Variants in SERHL2 observed in about 807,000 individuals in gnomAD.
SERHL2 encodes the protein serine hydrolase like 2.
A neutral mutation model predicts 25.5 loss-of-function variants in SERHL2; 29 were observed. That is an observed-to-expected ratio of 1.14 (90% CI 0.85 to 1.55). The LOEUF (loss-of-function observed/expected upper bound fraction) is 1.55. SERHL2 is among the 40% of genes most tolerant of loss of function. SERHL2 has a pLI of 0.00. For synonymous variants in SERHL2, 95 were observed against 103.5 expected (o/e 0.92, Z 0.50); for missense variants, 240 against 252.3 (o/e 0.95, Z 0.33).
chr22:42,559,266 C>T (rs1418303974), intron 7 of SERHL2, among the ~76,000 whole-genome samples: 3 of 117,756 alleles, frequency 2.5e-5, no homozygotes, highest in East Asian at 3.6e-4. Context: ...ATTAGCTGGT[C>T]GTGGTGGCAC....
rs372936478 is a variant in SERHL2 at position 42,566,385 on chromosome 22, C to T, written c.648+47C>T. 252 of 1,595,906 alleles carry T rather than the reference C, an allele frequency of 1.6e-4. 4 individuals carry two copies. Among genetic ancestry groups the T allele is most frequent in the African/African-American group, 3.4e-4 (25 of 74,574 alleles). Reference sequence around the variant, plus strand: ...TCCCCCGCCAAGGTTTGCCTGTTAGCGTCTTTGTCGTTTTTGAAAATTACA... The same window carrying T: ...TCCCCCGCCAAGGTTTGCCTGTTAGTGTCTTTGTCGTTTTTGAAAATTACA... On this transcript the variant is annotated intron_variant, in intron 9 of 11. Coordinates refer to ENST00000327678, the MANE Select transcript of SERHL2 (RefSeq NM_014509.5).
At chr22:42,568,140 C>T (rs1378990591) in intron 9 of SERHL2, among the ~76,000 whole-genome samples, 3 of 151,890 alleles carry the variant, frequency 2.0e-5, no homozygotes, top group Non-Finnish European at 2.9e-5. Flanking sequence ...CTTCCCACCT[C>T]AGCCTCCGGA....
chr22:42,570,116 G>A (rs1923961206), intron 9 of SERHL2: 1 of 152,084 alleles, frequency 6.6e-6, no homozygotes, highest in African/African-American at 2.4e-5. Flanking sequence ...CATTTCTCTA[G>A]CAGCTATATT....
intron 8 of SERHL2, among the ~76,000 whole-genome samples, chr22:42,562,149 C>A (rs1224205867): frequency 6.6e-6 from 1 of 151,580 alleles, no homozygotes; most frequent in Non-Finnish European, 1.5e-5. Context: ...CTTTTGGGAC[C>A]CAGCATTAAC....
chr22:42,564,244 C>T (rs1228567924), intron 8 of SERHL2, among the ~76,000 whole-genome samples: 4 of 151,522 alleles, frequency 2.6e-5, no homozygotes, highest in African/African-American at 9.7e-5. Flanking sequence ...CATCTGACTT[C>T]ATCTTTTTCC....
At chr22:42,566,522 C>G (rs1444300612) in intron 9 of SERHL2, among the ~76,000 whole-genome samples, 184 bp downstream of exon 9, 2 of 150,414 alleles carry the variant, frequency 1.3e-5, no homozygotes, top group African/African-American at 4.9e-5. Flanking sequence ...CACCACTGCA[C>G]TGCAGCCTGG....
At chr22:42,560,313 T>C in intron 8 of SERHL2, 48 bp downstream of exon 8, 1 of 1,406,222 alleles carries the variant, frequency 7.1e-7, no homozygotes, top group Non-Finnish European at 1.0e-6. Context: ...TCACTATTCT[T>C]ACCGAGGATG....
intron 9 of SERHL2, 63 bp from the exon 10 acceptor site, chr22:42,571,058 T>A (rs1489456447): frequency 1.2e-6 from 2 of 1,609,058 alleles, no homozygotes; most frequent in African/African-American, 2.7e-5. Flanking sequence ...CAGAGATGGG[T>A]TTCGTGCCCA....
intron 10 of SERHL2, chr22:42,571,453 G>T (rs1197013769): frequency 1.8e-5 from 24 of 1,339,892 alleles, no homozygotes; most frequent in Non-Finnish European, 2.2e-5. Context: ...GTCAGCGGGG[G>T]GCATGCCCAG....
chr22:42,569,139 T>G (rs1470029196), intron 9 of SERHL2: 1 of 102,062 alleles, frequency 9.8e-6, no homozygotes, highest in Non-Finnish European at 2.0e-5. Flanking sequence ...TTTTTTTTTT[T>G]TTCTTGCAAA....
intron 9 of SERHL2, chr22:42,569,051 T>C (rs1015401015): frequency 5.3e-5 from 8 of 151,654 alleles, no homozygotes; most frequent in African/African-American, 1.9e-4. Context: ...TGGGTTAATT[T>C]TTTGTATTTT....
At chr22:42,573,746 G>A (rs1924600959) in intron 11 of SERHL2, 190 bp from the exon 12 acceptor site, 3 of 683,392 alleles carry the variant, frequency 4.4e-6, no homozygotes, top group Non-Finnish European at 2.6e-6. Flanking sequence ...AGTCCCTAGG[G>A]TTAGACACCT....
chr22:42,566,361 C>T (rs778504753), intron 9 of SERHL2, 23 bp downstream of exon 9: 25 of 1,609,450 alleles, frequency 1.6e-5, no homozygotes, highest in South Asian at 1.4e-4. Context: ...GCCTCCGGGT[C>T]CCCCGCCAAG....
In SERHL2 at chr22:42,570,405, C is replaced by G. The variant is rs551946901; in HGVS notation, c.649-716C>G. 5.3e-4 allele frequency among the ~76,000 whole-genome samples: 81 copies of G among 152,084 alleles called. 1 individual carries two copies. The highest frequency in any genetic ancestry group is 1.6e-3 in the African/African-American group (68 of 41,556). On this transcript the variant is annotated intron_variant, in intron 9 of 11. Transcript: ENST00000327678. ...TGCATTCCAGCCCGGGCACCAAGAGCAAAACTCGGTCTCAAATAAATAAGG... is the reference window on the plus strand; with the variant it reads ...TGCATTCCAGCCCGGGCACCAAGAGGAAAACTCGGTCTCAAATAAATAAGG...
chr22:42,566,030 T>C (rs1923331520), intron 8 of SERHL2, among the ~76,000 whole-genome samples: 1 of 152,162 alleles, frequency 6.6e-6, no homozygotes, highest in South Asian at 2.1e-4. Context: ...ACGAGGCTAT[T>C]AGCCTAAGCT....
At chr22:42,565,705 C>T (rs758128243) in intron 8 of SERHL2, among the ~76,000 whole-genome samples, 4 of 151,786 alleles carry the variant, frequency 2.6e-5, no homozygotes, top group East Asian at 1.9e-4. Context: ...CCTCCCACTT[C>T]GGCCTCCCAA....
At chr22:42,554,111 G>A (rs1055493778) in intron 1 of SERHL2, 69 bp downstream of exon 1, 5 of 1,563,240 alleles carry the variant, frequency 3.2e-6, no homozygotes, top group Non-Finnish European at 3.5e-6. Flanking sequence ...AGAAGAGGGC[G>A]GGATGGAGTG....
At chr22:42,573,804 G>A (rs1924610016) in intron 11 of SERHL2, 132 bp from the exon 12 acceptor site, 7 of 839,582 alleles carry the variant, frequency 8.3e-6, no homozygotes, top group Middle Eastern at 3.7e-4. Context: ...GAGTGTGGGG[G>A]AAACTCACTG....
Position 42,561,263 on chromosome 22 carries a change from G to A in SERHL2, c.613+998G>A, listed in dbSNP as rs560720799. 7.2e-5 allele frequency among the ~76,000 whole-genome samples: 11 copies of A among 151,980 alleles called. No homozygotes were observed. The South Asian group carries it at 1.0e-3, about 14-fold the overall frequency. On this transcript the variant is annotated intron_variant, in intron 8 of 11. Coordinates refer to ENST00000327678, the MANE Select transcript of SERHL2 (RefSeq NM_014509.5). ...ACAGCTGGAGGGAGATGGTGTCGTC[G>A]GATGGAAAATGTGCTAAGCTGGGCA...
Sources: allele counts gnomAD v4.1 joint callset (sites outside exome capture counted in the v4.1 genomes callset), GRCh38; gene constraint gnomAD v4.1.1; transcripts MANE v1.5; gene names NCBI Gene and HGNC (gene_info 2026-07-23, HGNC 2026-07-21).